SEMA3B: variants seen among roughly 807,000 people sequenced by gnomAD.
SEMA3B encodes semaphorin 3B.
A neutral mutation model predicts 77.8 loss-of-function variants in SEMA3B; 71 were observed. The observed-to-expected ratio is 0.91, with a 90% CI of 0.75 to 1.11. The LOEUF (loss-of-function observed/expected upper bound fraction) is 1.11. Among genes scored for constraint, SEMA3B ranks in the 50% most tolerant of loss-of-function variants. SEMA3B has a pLI of 0.00. For synonymous variants in SEMA3B, 470 were observed against 452.9 expected (o/e 1.04, Z -0.48); for missense variants, 968 against 1,056.8 (o/e 0.92, Z 1.17).
In SEMA3B at chr3:50,269,390, G is replaced by A. The variant is rs1376894622; in HGVS notation, c.109+41G>A. The A allele has an allele frequency of 7.8e-5, 94 of 1,206,728 alleles. No homozygotes were observed. Among genetic ancestry groups the A allele is most frequent in the Non-Finnish European group, 1.0e-4 (91 of 881,514 alleles). 74.8% of individuals were successfully genotyped at this position (1,206,728 alleles called of 1,614,324 possible). ...AGGCGGGAGGGCCCAGCTTGAGGTG[G>A]GCAGGAAAGGGTCCCCGTATGGCCA... On this transcript the variant is annotated intron_variant, in intron 1 of 16. Transcript: ENST00000616701. The surrounding 1 kb of genome is among the most constrained non-coding windows in gnomAD (Gnocchi z 4.0).
Position 50,274,240 on chromosome 3 carries a change from T to C in SEMA3B, c.1138-123T>C, listed in dbSNP as rs1701146061. On this transcript the variant is annotated intron_variant, in intron 10 of 16. Coordinates refer to ENST00000616701, the MANE Select transcript of SEMA3B (RefSeq NM_001290060.2). This position sits in a 1 kb window ranked among gnomAD's most constrained non-coding sequence, Gnocchi z 4.7. Reference sequence around the variant, plus strand: ...CCTAGGGCAAGGCTGATCTCCTCTCTAATTCTCAGGGCAGGGTTCTGTCCC... The same window carrying C: ...CCTAGGGCAAGGCTGATCTCCTCTCCAATTCTCAGGGCAGGGTTCTGTCCC... 3.2e-6 allele frequency: 4 copies of C among 1,233,444 alleles called. No individual in the cohort carries two copies. The highest frequency in any genetic ancestry group is 4.5e-6 in the Non-Finnish European group (4 of 887,222). 76.4% of individuals were successfully genotyped at this position (1,233,444 alleles called of 1,614,324 possible).
upstream of SEMA3B, among the ~76,000 whole-genome samples, chr3:50,263,848 A>G (rs1700862136): frequency 6.6e-6 from 1 of 151,934 alleles, no homozygotes; most frequent in African/African-American, 2.4e-5. Context: ...CTGGGCACAG[A>G]GGGTTGAGGA....
rs782313286 is a variant in SEMA3B at position 50,275,524 on chromosome 3, A to C, written c.1650-36A>C. ...AGGGTCTTTCACTGCCCGGGGCTGAAAGAAGGGCTCACAGAAGATCGGATG... is the reference window on the plus strand; with the variant it reads ...AGGGTCTTTCACTGCCCGGGGCTGACAGAAGGGCTCACAGAAGATCGGATG... On this transcript the variant is annotated intron_variant, in intron 14 of 16. Transcript: ENST00000616701. The surrounding 1 kb of genome is among the most constrained non-coding windows in gnomAD (Gnocchi z 7.5). The C allele has an allele frequency of 5.8e-5, 94 of 1,613,328 alleles. No individual in the cohort carries two copies. Among genetic ancestry groups the C allele is most frequent in the Admixed American group, 4.7e-4 (28 of 60,012 alleles).
Position 50,276,618 on chromosome 3 carries a change from TG to T in SEMA3B, c.2164del (p.Glu722SerfsTer164). Reference sequence around the variant, plus strand: ...CAGCCTGCGCTGCAGTCACTGCCCCTGGAGTCGCGGAGAAAGGGCCGTAACC... The same window carrying T: ...CAGCCTGCGCTGCAGTCACTGCCCCTGAGTCGCGGAGAAAGGGCCGTAACC... ...RPQPALQSLP[L>X]ESRRKGRNRR... On this transcript the variant is annotated frameshift_variant, in exon 17 of 17. Coordinates refer to ENST00000616701, the MANE Select transcript of SEMA3B (RefSeq NM_001290060.2). LOFTEE classifies it low-confidence loss of function (END_TRUNC). This position sits in a 1 kb window ranked among gnomAD's most constrained non-coding sequence, Gnocchi z 5.8. The T allele has an allele frequency of 6.3e-7, 1 of 1,591,152 alleles. No homozygotes were observed. Among genetic ancestry groups the T allele is most frequent in the South Asian group, 1.1e-5 (1 of 88,464 alleles).
In SEMA3B at chr3:50,273,320, T is replaced by C. The variant is rs1553705726; in HGVS notation, c.687T>C (p.Phe229=). The C allele has an allele frequency of 1.9e-6, 3 of 1,613,932 alleles. No homozygotes were observed. In the South Asian group the frequency reaches 3.3e-5, roughly 18 times the overall value. The change falls in exon 7 of 17, where the codon TTT becomes TTC. Residue 229 remains phenylalanine (F), a synonymous_variant. Transcript: ENST00000616701. The surrounding 1 kb of genome is among the most constrained non-coding windows in gnomAD (Gnocchi z 6.5). ...CAGAGCCCAAGTTTGTCAAGGTATT[T>C]TGGATCCCGGAGAGCGAGAACCCAG... ...WLNEPKFVKV[F]WIPESENPDD...
upstream of SEMA3B, among the ~76,000 whole-genome samples, chr3:50,265,644 G>A (rs1553704353): frequency 6.6e-6 from 1 of 152,208 alleles, no homozygotes; most frequent in African/African-American, 2.4e-5. Context: ...AGTACAGGCA[G>A]GAAAAGGGAC....
chr3:50,275,231 G>A lies in SEMA3B; in HGVS notation c.1492-71G>A. 6.8e-7 allele frequency: 1 copy of A among 1,468,908 alleles called. No individual in the cohort carries two copies. Among genetic ancestry groups the A allele is most frequent in the Non-Finnish European group, 9.0e-7 (1 of 1,105,726 alleles). 91.0% of individuals were successfully genotyped at this position (1,468,908 alleles called of 1,614,324 possible). On this transcript the variant is annotated intron_variant, in intron 13 of 16. Transcript: ENST00000616701. The surrounding 1 kb of genome is among the most constrained non-coding windows in gnomAD (Gnocchi z 7.5). ...TGTTCCCATCTGTCGAGTGGAAGAAGGGATCCCTGACCGATGGGAGGCAGG... is the reference window on the plus strand; with the variant it reads ...TGTTCCCATCTGTCGAGTGGAAGAAAGGATCCCTGACCGATGGGAGGCAGG...
At position 50,273,681 on chromosome 3, in the gene SEMA3B, G is replaced by A; in HGVS notation, c.922+35G>A. The A allele has an allele frequency of 1.9e-6, 3 of 1,603,246 alleles. No individual in the cohort carries two copies. Among genetic ancestry groups the A allele is most frequent in the Non-Finnish European group, 2.5e-6 (3 of 1,177,842 alleles). On this transcript the variant is annotated intron_variant, in intron 8 of 16. Transcript: ENST00000616701. This position sits in a 1 kb window ranked among gnomAD's most constrained non-coding sequence, Gnocchi z 6.5. The stretch of plus-strand genomic sequence containing the variant: ...GGAGTGGGTATGGGGTTGGGGAGGG[G>A]GGCAGCGGCGCAGACTCCGGGAGCC...
At chr3:50,269,138 C>T (rs1217091091), upstream of SEMA3B, 5 of 849,500 alleles carry the variant, frequency 5.9e-6, no homozygotes, top group Non-Finnish European at 9.5e-6. The surrounding 1 kb of genome is among the most constrained non-coding windows in gnomAD (Gnocchi z 4.0). Flanking sequence ...CGCCCTCGCC[C>T]TCACTGCTGA....
chr3:50,274,649 T>C lies in SEMA3B; in HGVS notation c.1357+67T>C. On this transcript the variant is annotated intron_variant, in intron 11 of 16. Coordinates refer to ENST00000616701, the MANE Select transcript of SEMA3B (RefSeq NM_001290060.2). The surrounding 1 kb of genome is among the most constrained non-coding windows in gnomAD (Gnocchi z 4.7). Reference sequence around the variant, plus strand: ...CCCTGTGGGCTGCTGATGGAAGCTCTCCCTGTTCAGTCCCATCTCCACATC... The same window carrying C: ...CCCTGTGGGCTGCTGATGGAAGCTCCCCCTGTTCAGTCCCATCTCCACATC... The C allele has an allele frequency of 6.7e-7, 1 of 1,495,828 alleles. No individual in the cohort carries two copies. The highest frequency in any genetic ancestry group is 2.1e-5 in the Admixed American group (1 of 47,582). The allele number at this position is 1,495,828 out of a possible 1,614,324, so 92.7% of individuals were successfully genotyped here.
upstream of SEMA3B, chr3:50,267,464 C>T (rs1272957594): frequency 6.6e-6 from 1 of 152,298 alleles, no homozygotes; most frequent in Non-Finnish European, 1.5e-5. The surrounding 1 kb of genome is among the most constrained non-coding windows in gnomAD (Gnocchi z 5.7). Flanking sequence ...AGGGGTCGTC[C>T]CTACCAGCCC....
chr3:50,275,738 T>C lies in SEMA3B; in HGVS notation c.1739T>C (p.Val580Ala). The C allele has an allele frequency of 6.2e-7, 1 of 1,613,254 alleles. No homozygotes were observed. The highest frequency in any genetic ancestry group is 8.5e-7 in the Non-Finnish European group (1 of 1,179,770). Reference sequence around the variant, plus strand: ...CGTCCCGCGCTGCTGGAACACAAGGTGTTCGGCGTGGAGGGCAGCAGCGCC... The same window carrying C: ...CGTCCCGCGCTGCTGGAACACAAGGCGTTCGGCGTGGAGGGCAGCAGCGCC... ...SSRPALLEHKVFGVEGSSAFL... is the reference protein window; with the variant it reads ...SSRPALLEHKAFGVEGSSAFL... The change falls in exon 16 of 17, where the codon GTG becomes GCG. Residue 580 changes from valine to alanine, a missense_variant. Val to Ala is a moderately conservative substitution (Grantham distance 64). Transcript: ENST00000616701. The surrounding 1 kb of genome is among the most constrained non-coding windows in gnomAD (Gnocchi z 7.5).
Position 50,276,862 on chromosome 3 carries a change from C to T in SEMA3B, c.*156C>T. The T allele has an allele frequency of 2.3e-6, 2 of 884,466 alleles. No homozygotes were observed. The highest frequency in any genetic ancestry group is 2.1e-5 in the South Asian group (1 of 46,988). 54.8% of individuals were successfully genotyped at this position (884,466 alleles called of 1,614,324 possible). A position where few individuals can be genotyped will look rare whatever the true frequency, so the allele number is the denominator to read the frequency against. On this transcript the variant is annotated 3_prime_UTR_variant, in exon 17 of 17. Transcript: ENST00000616701. This position sits in a 1 kb window ranked among gnomAD's most constrained non-coding sequence, Gnocchi z 5.8. ...CAGGCCCTGGCTGAGGGCAGCTGCG[C>T]GGGCTTATTTATTAACAGGATAACC...
chr3:50,263,788 A>G (rs1553704195), upstream of SEMA3B, among the ~76,000 whole-genome samples: 1 of 151,966 alleles, frequency 6.6e-6, no homozygotes, highest in Admixed American at 6.6e-5. Context: ...GGGAAGGGAG[A>G]AGACTGAGGA....
At chr3:50,263,462 G>T (rs1168911033), upstream of SEMA3B, 1 of 130,006 alleles carries the variant, frequency 7.7e-6, no homozygotes, top group African/African-American at 3.0e-5. Context: ...TCTTGCCACT[G>T]CACTCCAGCC....
At chr3:50,266,191 G>A (rs1700893897), upstream of SEMA3B, among the ~76,000 whole-genome samples, 1 of 152,178 alleles carries the variant, frequency 6.6e-6, no homozygotes, top group Admixed American at 6.5e-5. Context: ...GCTGATCCTG[G>A]CTGCTTGGGT....
chr3:50,268,061 G>T (rs1244600225), upstream of SEMA3B, among the ~76,000 whole-genome samples: 1 of 152,180 alleles, frequency 6.6e-6, no homozygotes, highest in African/African-American at 2.4e-5. Context: ...AAGAACTCAA[G>T]GGGTGAGAGA....
rs1701012766 is a variant in SEMA3B at position 50,270,323 on chromosome 3, G to A, written c.267+39G>A. 6 of 1,609,722 alleles carry A rather than the reference G, an allele frequency of 3.7e-6. No individual in the cohort carries two copies. The highest frequency in any genetic ancestry group is 4.5e-5 in the East Asian group (2 of 44,778). ...CCAACCCCAGCACTCCCCAGGGAAG[G>A]AGCCCTGGGACCCCACTCCAGCCTG... is the stretch of plus-strand genomic sequence containing the variant. On this transcript the variant is annotated intron_variant, in intron 2 of 16. Coordinates refer to ENST00000616701, the MANE Select transcript of SEMA3B (RefSeq NM_001290060.2). This position sits in a 1 kb window ranked among gnomAD's most constrained non-coding sequence, Gnocchi z 4.7.
chr3:50,273,804 T>C lies in SEMA3B; in HGVS notation c.968T>C (p.Leu323Pro), dbSNP rs1303739793. The C allele has an allele frequency of 5.0e-6, 8 of 1,585,176 alleles. No individual in the cohort carries two copies. The African/African-American group carries it at 1.1e-4, about 21-fold the overall frequency. ...LSSRDHRTPL[L>P]YAVFSTSSSI... Reference sequence around the variant, plus strand: ...TCGCGGGACCACCGGACCCCGCTGCTCTATGCCGTCTTCTCCACGTCCAGG... The same window carrying C: ...TCGCGGGACCACCGGACCCCGCTGCCCTATGCCGTCTTCTCCACGTCCAGG... Residue 323 changes from leucine (L) to proline (P), a missense_variant, in exon 9 of 17, where the codon CTC (leucine) becomes CCC (proline). Coordinates refer to ENST00000616701, the MANE Select transcript of SEMA3B (RefSeq NM_001290060.2). The surrounding 1 kb of genome is among the most constrained non-coding windows in gnomAD (Gnocchi z 6.5).
Sources: gnomAD v4.1 joint callset for allele counts (sites outside exome capture counted in the v4.1 genomes callset) on GRCh38, gnomAD v4.1.1 for gene constraint, Gnocchi (gnomAD v3.1) non-coding constraint, MANE v1.5 for transcripts, NCBI Gene and HGNC (gene_info 2026-07-23, HGNC 2026-07-21) for gene names.